The following PHLDB2 variants were observed in gnomAD, a reference collection of about 807,000 sequenced individuals.
PHLDB2 encodes pleckstrin homology-like domain family B member 2.
In PHLDB2, 71 loss-of-function variants were observed where a neutral mutation model predicts 123.6. That is an observed-to-expected ratio of 0.57 (90% CI 0.47 to 0.70). PHLDB2 has a LOEUF of 0.70. Among genes scored for constraint, PHLDB2 ranks in the 30% least tolerant of loss-of-function variants. The probability of loss-of-function intolerance (pLI) is 0.00; values close to 1 mark genes in which losing one functional copy is unlikely to be tolerated. For missense variants in PHLDB2, 1,446 were observed against 1,519.5 expected, an observed-to-expected ratio of 0.95 and a Z score of 0.80; for synonymous variants, 547 against 541.6, an observed-to-expected ratio of 1.01 and a Z score of -0.14.
intron 1 of PHLDB2, among the ~76,000 whole-genome samples, chr3:111,835,590 A>G (rs2063359129): frequency 6.6e-6 from 1 of 152,186 alleles, no homozygotes; most frequent in Non-Finnish European, 1.5e-5. Context: ...GCTTAAAACA[A>G]TGACAGTATT....
chr3:111,946,220 C>T (rs2070298626), intron 9 of PHLDB2, among the ~76,000 whole-genome samples: 1 of 152,142 alleles, frequency 6.6e-6, no homozygotes, highest in South Asian at 2.1e-4. Context: ...CGGGGTTTCG[C>T]CATATTGGTC....
intron 1 of PHLDB2, among the ~76,000 whole-genome samples, chr3:111,818,184 G>A (rs1433413883): frequency 6.6e-6 from 1 of 151,738 alleles, no homozygotes; most frequent in Non-Finnish European, 1.5e-5. Flanking sequence ...GTGTGTGTGT[G>A]TGTGTGTGTG....
At position 111,859,774 on chromosome 3, in the gene PHLDB2, G is replaced by A. The variant is rs995713024; in HGVS notation, c.-15+198G>A. On this transcript the variant is annotated intron_variant, in intron 1 of 17. Transcript: ENST00000431670. The stretch of plus-strand genomic sequence containing the variant: ...GCTGACTGCTCACCGCGAGTCAGGA[G>A]GGGCCGGCGGGCTCACGGAGGGAGA... 36 of 985,476 alleles carry A rather than the reference G, an allele frequency of 3.7e-5. No individual in the cohort carries two copies. In the African/African-American group the frequency reaches 4.4e-4, roughly 12 times the overall value. 61.0% of individuals were successfully genotyped at this position (985,476 alleles called of 1,614,324 possible). A position where few individuals can be genotyped will look rare whatever the true frequency, so the allele number is the denominator to read the frequency against.
At chr3:111,963,240 G>A (rs891912228) in intron 13 of PHLDB2, among the ~76,000 whole-genome samples, 13 of 152,054 alleles carry the variant, frequency 8.5e-5, no homozygotes, top group Admixed American at 2.0e-4. Context: ...TCATTCTCCC[G>A]ATAAACCTCA....
rs2107988794 is a variant in PHLDB2 at position 111,756,013 on chromosome 3, G to A, written c.-49+23310G>A. 2.0e-5 allele frequency among the ~76,000 whole-genome samples: 3 copies of A among 152,180 alleles called. 1 individual carries two copies. The South Asian group carries it at 6.2e-4, about 32-fold the overall frequency. The stretch of plus-strand genomic sequence containing the variant: ...CTAGTTTGATTGCGCTGTGGTCTGA[G>A]AGACAGTTTGTTATAATTTCTGTTC... On this transcript the variant is annotated intron_variant, in intron 1 of 17. Transcript: ENST00000393923.
chr3:111,817,707 C>T (rs144242809), intron 1 of PHLDB2, among the ~76,000 whole-genome samples: 42 of 152,230 alleles, frequency 2.8e-4, no homozygotes, highest in African/African-American at 8.9e-4. Flanking sequence ...CATAGCCCAG[C>T]GTATGAAAAT....
At chr3:111,959,721 A>G (rs1389990288) in intron 12 of PHLDB2, among the ~76,000 whole-genome samples, 2 of 152,174 alleles carry the variant, frequency 1.3e-5, no homozygotes, top group Non-Finnish European at 2.9e-5. Flanking sequence ...TTACTTTTGG[A>G]AAAGTAGCCG....
At chr3:111,863,179 A>C (rs1423993992) in intron 1 of PHLDB2, among the ~76,000 whole-genome samples, 1 of 152,218 alleles carries the variant, frequency 6.6e-6, no homozygotes, top group African/African-American at 2.4e-5. Flanking sequence ...ATGACCTGTG[A>C]CACTCCACTT....
rs2070513304 is a variant in PHLDB2 at position 111,948,952 on chromosome 3, G to A, written c.2508G>A (p.Glu836=). The change falls in exon 10 of 18, where the codon GAG becomes GAA. Residue 836 remains glutamate, a synonymous_variant. Transcript: ENST00000431670. ...TLKEGYISVN[E]INEPCGNSTN... is the part of the protein sequence containing the mutation. ...TTTAGGGCTATATCAGTGTAAATGA[G>A]ATTAATGAGCCGTGTGGCAATTCCA... 34 of 1,613,864 alleles carry A rather than the reference G, an allele frequency of 2.1e-5. No individual in the cohort carries two copies. Among genetic ancestry groups the A allele is most frequent in the Non-Finnish European group, 2.9e-5 (34 of 1,179,964 alleles).
intron 2 of PHLDB2, among the ~76,000 whole-genome samples, chr3:111,905,058 A>G (rs2067433291): frequency 6.6e-6 from 1 of 152,194 alleles, no homozygotes; most frequent in South Asian, 2.1e-4. Flanking sequence ...GGGCCCTCTA[A>G]TTAGGTTACT....
At chr3:111,828,588 C>T (rs555535775) in intron 1 of PHLDB2, among the ~76,000 whole-genome samples, 2 of 152,086 alleles carry the variant, frequency 1.3e-5, no homozygotes, top group African/African-American at 4.8e-5. Flanking sequence ...CCCAGGAGTT[C>T]GAGACCAGAC....
At chr3:111,940,720 T>A in intron 8 of PHLDB2, 75 bp downstream of exon 8, 1 of 740,922 alleles carries the variant, frequency 1.3e-6, no homozygotes, top group Non-Finnish European at 2.1e-6. Flanking sequence ...CCCTTTAAAG[T>A]AAACACCTTT....
chr3:111,859,586 C>A lies in PHLDB2; in HGVS notation c.-15+10C>A, dbSNP rs1226199001. ...CTGCACCAATGGCCAGGTGAGGAGGCGGCGGTGGTCGCCCGGGAGGAGGGG... is the reference window on the plus strand; with the variant it reads ...CTGCACCAATGGCCAGGTGAGGAGGAGGCGGTGGTCGCCCGGGAGGAGGGG... On this transcript the variant is annotated intron_variant, in intron 1 of 17. Transcript: ENST00000431670. 7.1e-6 allele frequency: 7 copies of A among 985,390 alleles called. No homozygotes were observed. Among genetic ancestry groups the A allele is most frequent in the African/African-American group, 1.7e-5 (1 of 57,244 alleles). The allele number at this position is 985,390 out of a possible 1,614,324, so 61.0% of individuals were successfully genotyped here.
intron 1 of PHLDB2, among the ~76,000 whole-genome samples, chr3:111,758,178 T>C (rs2107998511): frequency 6.6e-6 from 1 of 152,116 alleles, no homozygotes; most frequent in South Asian, 2.1e-4. Context: ...ACTGCTGTCT[T>C]TTTGTTTGTC....
In PHLDB2 at chr3:111,893,758, CA is replaced by C. The variant is rs35372627; in HGVS notation, c.1335+8359del. Among the ~76,000 whole-genome samples the C allele has an allele frequency of 1.3e-3, 180 of 136,558 alleles. 1 individual carries two copies. Among genetic ancestry groups the C allele is most frequent in the African/African-American group, 3.6e-3 (131 of 36,542 alleles). 89.6% of individuals were successfully genotyped at this position (136,558 alleles called of 152,430 possible). On this transcript the variant is annotated intron_variant, in intron 2 of 17. Transcript: ENST00000431670. ...TTAAATTTTTTTATGTTAAGGTAAG[CA>C]AAAAAAAAAAAATCCAGGTGAAATT...
intron 1 of PHLDB2, among the ~76,000 whole-genome samples, chr3:111,843,264 C>CTT (rs879447995): frequency 5.3e-5 from 8 of 152,158 alleles, no homozygotes; most frequent in Admixed American, 5.2e-4. Context: ...TACAATCTGT[C>CTT]TTTTTTATTA....
chr3:111,826,641 CAA>C (rs886702228), intron 1 of PHLDB2, among the ~76,000 whole-genome samples: 11 of 152,154 alleles, frequency 7.2e-5, no homozygotes, highest in African/African-American at 2.7e-4. Context: ...AACAGTAAAA[CAA>C]AGAGGAAATC....
In PHLDB2 at chr3:111,932,266, C is replaced by T; in HGVS notation, c.2002-3C>T. The T allele has an allele frequency of 6.4e-7, 1 of 1,550,510 alleles. No individual in the cohort carries two copies. The highest frequency in any genetic ancestry group is 1.2e-5 in the South Asian group (1 of 83,918). ...ATTCTATTTTCTGGTTTCTGAACTT[C>T]AGGAGAAGGTAAAGCTTGATGCTGA... is the stretch of plus-strand genomic sequence containing the variant. On this transcript the variant is annotated splice_region_variant and splice_polypyrimidine_tract_variant and intron_variant, in intron 5 of 17. Coordinates refer to ENST00000431670, the MANE Select transcript of PHLDB2 (RefSeq NM_001134438.2).
At chr3:111,819,495 A>C (rs908994101) in intron 1 of PHLDB2, among the ~76,000 whole-genome samples, 2 of 152,208 alleles carry the variant, frequency 1.3e-5, no homozygotes, top group African/African-American at 4.8e-5. Flanking sequence ...ATCTGACTAC[A>C]CTGATTACTT....
Sources: allele counts gnomAD v4.1 joint callset (sites outside exome capture counted in the v4.1 genomes callset), GRCh38; gene constraint gnomAD v4.1.1; transcripts MANE v1.5; gene names NCBI Gene and HGNC (gene_info 2026-07-23, HGNC 2026-07-21).